The following SLC23A2 variants were observed in gnomAD, a reference collection of about 807,000 sequenced individuals.
SLC23A2 encodes the protein Na(+)/L-ascorbic acid transporter 2.
In SLC23A2, 36 loss-of-function variants were observed where a neutral mutation model predicts 73.3. The observed-to-expected ratio is 0.49, with a 90% CI of 0.38 to 0.65. The LOEUF (loss-of-function observed/expected upper bound fraction) is 0.65. Among genes scored for constraint, SLC23A2 ranks in the 30% least tolerant of loss-of-function variants. The pLI, the probability that SLC23A2 is intolerant of heterozygous loss-of-function variation, is 0.00. For synonymous variants in SLC23A2, 343 were observed against 327.3 expected (o/e 1.05, Z -0.52); for missense variants, 507 against 841.6 (o/e 0.60, Z 4.92).
chr20:4,860,861 T>G (rs985079585), intron 15 of SLC23A2, among the ~76,000 whole-genome samples: 27 of 152,262 alleles, frequency 1.8e-4, no homozygotes, highest in African/African-American at 6.5e-4. Context: ...GCCAACATGG[T>G]GAAACCCCGT....
At chr20:4,880,149 T>C (rs973854358) in intron 9 of SLC23A2, among the ~76,000 whole-genome samples, 1 of 152,202 alleles carries the variant, frequency 6.6e-6, no homozygotes, top group Non-Finnish European at 1.5e-5. Flanking sequence ...TTTGTATTAG[T>C]TCAGTCAGAA....
chr20:4,950,383 A>T (rs2087181652), intron 2 of SLC23A2, among the ~76,000 whole-genome samples: 1 of 152,218 alleles, frequency 6.6e-6, no homozygotes, highest in South Asian at 2.1e-4. Context: ...TCAGATCTCA[A>T]GGTAGGAGTT....
intron 1 of SLC23A2, among the ~76,000 whole-genome samples, chr20:4,985,993 G>A (rs2087819374): frequency 6.6e-6 from 1 of 152,136 alleles, no homozygotes; most frequent in Non-Finnish European, 1.5e-5. Context: ...TATTCTGGAT[G>A]TAGGGAATCC....
Position 4,863,359 on chromosome 20 carries a change from G to C in SLC23A2, c.1357-452C>G, listed in dbSNP as rs541160722. On this transcript the variant is annotated intron_variant, in intron 13 of 16. Coordinates refer to ENST00000338244, the MANE Select transcript of SLC23A2 (RefSeq NM_005116.6). The surrounding 1 kb of genome is among the most constrained non-coding windows in gnomAD (Gnocchi z 4.8). ...CGCTTCCCGTGAGAGGTGGAAAAGA[G>C]AAGGGGCTACGGATGAGGACATCTG... 4.6e-5 allele frequency among the ~76,000 whole-genome samples: 7 copies of C among 152,324 alleles called. No homozygotes were observed. Among genetic ancestry groups the C allele is most frequent in the Admixed American group, 1.3e-4 (2 of 15,304 alleles).
At position 4,863,217 on chromosome 20, in the gene SLC23A2, C is replaced by T. The variant is rs1165910604; in HGVS notation, c.1357-310G>A. ...CCCTGCCTATCCCCTGGGTTCCCGGCACCACATGTCACCAAGGCAATTTCC... is the reference window on the plus strand; with the variant it reads ...CCCTGCCTATCCCCTGGGTTCCCGGTACCACATGTCACCAAGGCAATTTCC... On this transcript the variant is annotated intron_variant, in intron 13 of 16. Coordinates refer to ENST00000338244, the MANE Select transcript of SLC23A2 (RefSeq NM_005116.6). This position sits in a 1 kb window ranked among gnomAD's most constrained non-coding sequence, Gnocchi z 4.8. 6.6e-6 allele frequency among the ~76,000 whole-genome samples: 1 copy of T among 152,202 alleles called. No homozygotes were observed. The highest frequency in any genetic ancestry group is 1.5e-5 in the Non-Finnish European group (1 of 68,030).
At chr20:4,893,953 C>T (rs556266693) in intron 6 of SLC23A2, among the ~76,000 whole-genome samples, 1 of 152,140 alleles carries the variant, frequency 6.6e-6, no homozygotes, top group East Asian at 1.9e-4. Context: ...CTTGGAGGGC[C>T]CTAGAGACAC....
intron 3 of SLC23A2, among the ~76,000 whole-genome samples, chr20:4,923,056 A>AAT (rs1462523892): frequency 6.6e-6 from 1 of 152,138 alleles, no homozygotes; most frequent in African/African-American, 2.4e-5. Context: ...AGTATATTGC[A>AAT]ATATGATAAA....
intron 9 of SLC23A2, among the ~76,000 whole-genome samples, chr20:4,878,625 C>T (rs2122815566): frequency 6.6e-6 from 1 of 152,276 alleles, no homozygotes; most frequent in African/African-American, 2.4e-5. Flanking sequence ...TCTTCTAGCA[C>T]TTTTATGGTT....
intron 6 of SLC23A2, 29 bp from the exon 7 acceptor site, chr20:4,885,938 C>G: frequency 6.6e-7 from 1 of 1,511,340 alleles, no homozygotes; most frequent in Non-Finnish European, 9.2e-7. Flanking sequence ...AAACCATGAT[C>G]ACGGCATCGG....
At chr20:4,935,892 A>G (rs537228692) in intron 2 of SLC23A2, among the ~76,000 whole-genome samples, 1 of 152,304 alleles carries the variant, frequency 6.6e-6, no homozygotes, top group East Asian at 1.9e-4. Context: ...ATATGTTGCC[A>G]TGCCTTGGTT....
chr20:4,993,238 C>T (rs570468398), intron 1 of SLC23A2, among the ~76,000 whole-genome samples: 15 of 148,258 alleles, frequency 1.0e-4, no homozygotes, highest in Admixed American at 6.1e-4. Context: ...GAGCTGAGAT[C>T]GTGCCACTGC....
At chr20:4,942,116 G>A (rs2087050929) in intron 2 of SLC23A2, among the ~76,000 whole-genome samples, 1 of 152,110 alleles carries the variant, frequency 6.6e-6, no homozygotes. Context: ...GGGAAAGGCT[G>A]GTTCCCCTTA....
intron 4 of SLC23A2, among the ~76,000 whole-genome samples, chr20:4,908,730 C>T (rs78166865): frequency 0.02 from 3,062 of 152,148 alleles, 99 homozygotes; most frequent in African/African-American, 0.069. Flanking sequence ...GAGTTCCAGG[C>T]CAGCCTGGTC....
At chr20:4,905,116 A>C (rs1235285785) in intron 4 of SLC23A2, among the ~76,000 whole-genome samples, 5 of 7,562 alleles carry the variant, frequency 6.6e-4, no homozygotes, top group Admixed American at 1.0e-3. Context: ...TCTGTCACAA[A>C]AAAAAAAAAA....
intron 9 of SLC23A2, among the ~76,000 whole-genome samples, chr20:4,876,019 G>A (rs1040566068): frequency 7.2e-5 from 11 of 152,112 alleles, no homozygotes; most frequent in African/African-American, 2.4e-4. Context: ...CAGGCGCTTC[G>A]GTGAACTGGT....
rs531010984 is a variant in SLC23A2, at chr20:4,886,139, G to A, written c.483-230C>T. On this transcript the variant is annotated intron_variant, in intron 6 of 16. Coordinates refer to ENST00000338244, the MANE Select transcript of SLC23A2 (RefSeq NM_005116.6). ...CTCCTCCCACCCAGGCAGCTCCAGGGTGGGCCCCGTGGTCAGTGCCAACAC... is the reference window on the plus strand; with the variant it reads ...CTCCTCCCACCCAGGCAGCTCCAGGATGGGCCCCGTGGTCAGTGCCAACAC... The A allele has an allele frequency of 2.2e-3, 1,099 of 492,326 alleles. 1 individual carries two copies. Among genetic ancestry groups the A allele is most frequent in the Non-Finnish European group, 3.1e-3 (854 of 275,634 alleles). The allele number at this position is 492,326 out of a possible 1,614,324, so 30.5% of individuals were successfully genotyped here.
At position 4,899,732 on chromosome 20, in the gene SLC23A2, C is replaced by T. The variant is rs1266794084; in HGVS notation, c.325-20G>A. The T allele has an allele frequency of 6.2e-7, 1 of 1,612,596 alleles. No homozygotes were observed. The highest frequency in any genetic ancestry group is 1.7e-5 in the Admixed American group (1 of 59,968). On this transcript the variant is annotated intron_variant, in intron 5 of 16. Coordinates refer to ENST00000338244, the MANE Select transcript of SLC23A2 (RefSeq NM_005116.6). This position sits in a 1 kb window ranked among gnomAD's most constrained non-coding sequence, Gnocchi z 4.9. ...GTAGTGCTGTGGGCAGGAAAAGGGT[C>T]AGAGGAGAAACAGTAAACCCTTCCT...
intron 2 of SLC23A2, among the ~76,000 whole-genome samples, chr20:4,939,939 A>G (rs573850144): frequency 1.1e-4 from 17 of 152,218 alleles, no homozygotes; most frequent in Non-Finnish European, 2.5e-4. Flanking sequence ...TCATTTTCCA[A>G]TTAACATAAT....
In SLC23A2 at chr20:4,857,914, G is replaced by C. The variant is rs1301310686; in HGVS notation, c.1721-710C>G. 2.6e-5 allele frequency among the ~76,000 whole-genome samples: 4 copies of C among 152,178 alleles called. No homozygotes were observed. Among genetic ancestry groups the C allele is most frequent in the East Asian group, 3.9e-4 (2 of 5,192 alleles). ...CCATTGCACTCTAGCCTGGGCAACA[G>C]AGCAAGACTCTGTCTTAAAAACAAA... On this transcript the variant is annotated intron_variant, in intron 16 of 16. Transcript: ENST00000338244. The surrounding 1 kb of genome is among the most constrained non-coding windows in gnomAD (Gnocchi z 4.0).
Sources: gnomAD v4.1 joint callset for allele counts (sites outside exome capture counted in the v4.1 genomes callset) on GRCh38, gnomAD v4.1.1 for gene constraint, Gnocchi (gnomAD v3.1) non-coding constraint, MANE v1.5 for transcripts, NCBI Gene and HGNC (gene_info 2026-07-23, HGNC 2026-07-21) for gene names.